ARMCX4: variants seen among roughly 807,000 people sequenced by gnomAD.
ARMCX4 encodes the protein armadillo repeat-containing X-linked protein 4.
Under a neutral mutation model 34.7 loss-of-function variants are expected in ARMCX4, and 3 were observed. The observed-to-expected ratio is 0.09, with a 90% CI of 0.04 to 0.22. The LOEUF is 0.22. Among genes scored for constraint, ARMCX4 ranks in the 10% least tolerant of loss-of-function variants. The pLI is 1.00. For synonymous variants in ARMCX4, 513 were observed against 632.8 expected, an observed-to-expected ratio of 0.81 and a Z score of 2.84; for missense variants, 1,448 against 1,720.8, an observed-to-expected ratio of 0.84 and a Z score of 2.81.
upstream of ARMCX4, among the ~76,000 whole-genome samples, chrX:101,483,457 C>G (rs1245904314): frequency 2.7e-5 from 3 of 111,686 alleles, no homozygotes; most frequent in Non-Finnish European, 5.6e-5. Context: ...TATCAAGTTT[C>G]TAAACTTTGA....
At chrX:101,513,056 G>C (rs1373263582) in intron 11 of ARMCX4, among the ~76,000 whole-genome samples, 2 of 109,268 alleles carry the variant, frequency 1.8e-5, no homozygotes, top group Non-Finnish European at 3.8e-5. Flanking sequence ...AAGTCAAGTA[G>C]GATTTCTATG....
Position 101,490,820 on chromosome X carries a change from C to G in ARMCX4, c.2231C>G (p.Thr744Arg). ...TVPNSGVGPY[T>R]TDSARLQAVA... ...CCTAATTCAGGGGTTGGGCCATATA[C>G]AACAGACTCTGCCCGGCTCCAGGCT... Residue 744 changes from threonine to arginine, a missense_variant, in exon 6 of 6, where the codon ACA becomes AGA. Thr to Arg is a moderately conservative substitution (Grantham distance 71, BLOSUM62 -1). Around this residue, in one of 2 missense-constraint regions of ARMCX4, gnomAD observed 1,343 missense variants for 1,540.7 expected, o/e 0.87. Coordinates refer to ENST00000423738, the MANE Select transcript of ARMCX4 (RefSeq NM_001256155.3). The G allele has an allele frequency of 3.6e-6, 4 of 1,108,844 alleles. No homozygotes were observed. Among genetic ancestry groups the G allele is most frequent in the Non-Finnish European group, 4.7e-6 (4 of 842,747 alleles). 91.4% of individuals were successfully genotyped at this position (1,108,844 alleles called of 1,213,427 possible).
downstream of ARMCX4, among the ~76,000 whole-genome samples, chrX:101,449,095 C>T (rs574926059): frequency 3.7e-5 from 4 of 108,202 alleles, no homozygotes; most frequent in East Asian, 8.9e-4. Flanking sequence ...TTAGTAGAGA[C>T]GGGTTTTGCC....
At chrX:101,433,182 ACGCACACATACACATATATG>A (rs1930369692) in intron 2 of ARMCX4, among the ~76,000 whole-genome samples, 1 of 75,079 alleles carries the variant, frequency 1.3e-5, no homozygotes, top group Non-Finnish European at 3.0e-5. Flanking sequence ...GTGTATATAC[ACGCACACATACACATATATG>A]TGCATATACG....
Position 101,513,454 on chromosome X carries a change from G to A in ARMCX4, c.*1780+2399G>A, listed in dbSNP as rs139449585. 2.7e-3 allele frequency among the ~76,000 whole-genome samples: 304 copies of A among 111,740 alleles called. 2 individuals carry two copies. Among genetic ancestry groups the A allele is most frequent in the Middle Eastern group, 0.014 (3 of 217 alleles). On this transcript the variant is annotated intron_variant and NMD_transcript_variant, in intron 11 of 12. Transcript: ENST00000354842. The stretch of plus-strand genomic sequence containing the variant: ...CCAGAAGAGGACGCAAAGTCCTTGG[G>A]CAATGTTTACACTTCTCCTTGATAT...
chrX:101,519,081 AC>A (rs1241955934), intron 11 of ARMCX4, among the ~76,000 whole-genome samples: 1 of 111,409 alleles, frequency 9.0e-6, no homozygotes, highest in African/African-American at 3.2e-5. Flanking sequence ...AGGCATTTTA[AC>A]TTAAAATACA....
At chrX:101,454,151 G>A (rs191645509) in intron 4 of ARMCX4, among the ~76,000 whole-genome samples, 575 of 111,109 alleles carry the variant, frequency 5.2e-3, no homozygotes, top group South Asian at 0.015. Context: ...GGTGGGGAAG[G>A]AGCAGGGCAG....
At chrX:101,432,715 C>CAT (rs1190078791) in intron 2 of ARMCX4, among the ~76,000 whole-genome samples, 2 of 103,159 alleles carry the variant, frequency 1.9e-5, no homozygotes, top group Non-Finnish European at 3.9e-5. Context: ...TATATGTATA[C>CAT]ATATATGTAT....
At chrX:101,497,491 G>A (rs1203108464), downstream of ARMCX4, among the ~76,000 whole-genome samples, 11 of 110,676 alleles carry the variant, frequency 9.9e-5, no homozygotes, top group Admixed American at 1.1e-3. Context: ...TGCCCGCCTC[G>A]GCCTCCCAAA....
intron 4 of ARMCX4, among the ~76,000 whole-genome samples, chrX:101,456,559 T>C (rs782463410): frequency 1.4e-3 from 154 of 111,498 alleles, no homozygotes; most frequent in African/African-American, 4.8e-3. Flanking sequence ...ATGTACTTCT[T>C]TTTATTGTGG....
chrX:101,425,543 A>C (rs1388786952), intron 2 of ARMCX4, among the ~76,000 whole-genome samples: 1 of 109,412 alleles, frequency 9.1e-6, no homozygotes, highest in East Asian at 2.9e-4. Flanking sequence ...ACAGGCGCAC[A>C]CCACCATGCC....
At chrX:101,488,176 T>C (rs782100837) in intron 5 of ARMCX4, 77 bp downstream of exon 5, 3 of 395,011 alleles carry the variant, frequency 7.6e-6, no homozygotes, top group Non-Finnish European at 1.2e-5. Context: ...GACTTCTTGG[T>C]TGCTCCCATT....
At chrX:101,432,390 C>T (rs782304434) in intron 2 of ARMCX4, among the ~76,000 whole-genome samples, 8 of 111,517 alleles carry the variant, frequency 7.2e-5, no homozygotes, top group South Asian at 3.7e-4. Context: ...GGGCTGGGCG[C>T]GGTGGCTCAT....
chrX:101,476,654 A>C (rs370539962), intron 4 of ARMCX4, among the ~76,000 whole-genome samples: 1 of 111,564 alleles, frequency 9.0e-6, no homozygotes, highest in African/African-American at 3.3e-5. Flanking sequence ...AATTATGTAG[A>C]TGAGAATGGA....
chrX:101,452,399 GT>G (rs1811492518), downstream of ARMCX4, among the ~76,000 whole-genome samples: 1 of 112,057 alleles, frequency 8.9e-6, no homozygotes, highest in Non-Finnish European at 1.9e-5. Flanking sequence ...TTCACAACTA[GT>G]CCCTTCAGAA....
In ARMCX4 at chrX:101,493,778, A is replaced by T. The variant is rs1171374869; in HGVS notation, c.5189A>T (p.Asn1730Ile). The change falls in exon 6 of 6, where the codon AAT becomes ATT. Residue 1730 changes from asparagine to isoleucine, a missense_variant. Physicochemically the swap from Asn to Ile is moderately radical, Grantham distance 149. Coordinates refer to ENST00000423738, the MANE Select transcript of ARMCX4 (RefSeq NM_001256155.3). ...RFQVSFEVEA[N>I]EGFWFGPGAE... ...CAGGTCAGTTTTGAGGTGGAGGCCA[A>T]TGAAGGATTCTGGTTTGGGCCTGGA... is the stretch of plus-strand genomic sequence containing the variant. 8.7e-7 allele frequency: 1 copy of T among 1,153,911 alleles called. No homozygotes were observed. Among genetic ancestry groups the T allele is most frequent in the African/African-American group, 1.8e-5 (1 of 55,727 alleles).
At chrX:101,534,352 G>A (rs1556022966), downstream of ARMCX4, among the ~76,000 whole-genome samples, 2 of 111,155 alleles carry the variant, frequency 1.8e-5, no homozygotes, top group African/African-American at 3.3e-5. Context: ...AATTAAAAAC[G>A]GTAGTTTTTA....
chrX:101,439,232 C>T (rs1931056370), intron 2 of ARMCX4, among the ~76,000 whole-genome samples: 1 of 111,507 alleles, frequency 9.0e-6, no homozygotes, highest in Non-Finnish European at 1.9e-5. Context: ...AGTTATGAAG[C>T]TTAGTTTGGC....
Position 101,491,547 on chromosome X carries a change from C to A in ARMCX4, c.2958C>A (p.Gly986=). The A allele has an allele frequency of 8.6e-7, 1 of 1,156,103 alleles. No individual in the cohort carries two copies. The highest frequency in any genetic ancestry group is 2.6e-5 in the Admixed American group (1 of 38,832). The change falls in exon 6 of 6, where the codon GGC becomes GGA. Residue 986 remains glycine (G), a synonymous_variant. Coordinates refer to ENST00000423738, the MANE Select transcript of ARMCX4 (RefSeq NM_001256155.3). ...PKAEAGADTV[G]SAQPQAVANS... ...CAGAGGCTGGGGCAGATACAGTGGG[C>A]TCTGCCCAGCCCCAAGCTGTCGCTA...
Sources: allele counts gnomAD v4.1 joint callset (sites outside exome capture counted in the v4.1 genomes callset), GRCh38; gene constraint gnomAD v4.1.1; regional missense constraint gnomAD v4.1.1; transcripts MANE v1.5; gene names NCBI Gene and HGNC (gene_info 2026-07-23, HGNC 2026-07-21).